The following COL11A1 variants were observed in gnomAD, a reference collection of about 807,000 sequenced individuals.
COL11A1 encodes the protein collagen alpha-1(XI) chain.
COL11A1 carries 74 observed loss-of-function variants against 265.2 expected under a neutral mutation model. The observed-to-expected ratio is 0.28, with a 90% CI of 0.23 to 0.34. The LOEUF (loss-of-function observed/expected upper bound fraction) is 0.34, where lower values mean the gene tolerates loss of function less well. Ranked by LOEUF, COL11A1 falls within the 10% of genes least tolerant of loss-of-function variation. COL11A1 has a pLI of 1.00. For synonymous variants in COL11A1, 816 were observed against 727.6 expected, an observed-to-expected ratio of 1.12 and a Z score of -1.96; for missense variants, 2,165 against 2,263.6, an observed-to-expected ratio of 0.96 and a Z score of 0.88.
At chr1:102,878,503 T>TATATATATATATATATATATATATATATA (rs1553191037) in intron 66 of COL11A1, among the ~76,000 whole-genome samples, 1 of 127,474 alleles carries the variant, frequency 7.8e-6, no homozygotes, top group Non-Finnish European at 1.7e-5. Flanking sequence ...TATATATATA[T>TATATATATATATATATATATATATATATA]TCTTTTTCTT....
intron 48 of COL11A1, 112 bp downstream of exon 48, chr1:102,921,401 AACCAC>A: frequency 2.5e-6 from 2 of 810,534 alleles, no homozygotes. Context: ...TTGAGTTCTT[AACCAC>A]TTAATATTAA....
chr1:102,979,194 T>C (rs1475195948), intron 32 of COL11A1, 90 bp from the exon 33 acceptor site: 1 of 1,234,492 alleles, frequency 8.1e-7, no homozygotes, highest in Non-Finnish European at 1.2e-6. Context: ...AAGAACATCA[T>C]TCATTCATTC....
rs1449031108 is a variant in COL11A1, at chr1:102,896,307, C to T, written c.4302+1818G>A. Among the ~76,000 whole-genome samples the T allele has an allele frequency of 2.0e-5, 3 of 151,492 alleles. No homozygotes were observed. The South Asian group carries it at 6.3e-4, about 32-fold the overall frequency. On this transcript the variant is annotated intron_variant, in intron 57 of 66. Transcript: ENST00000370096. ...AGGAGTTTGGCTCTAGAGTCGATAA[C>T]CTTAACTAGTAACCATAATAAGTTA... is the stretch of plus-strand genomic sequence containing the variant.
intron 28 of COL11A1, among the ~76,000 whole-genome samples, chr1:102,991,768 G>C (rs987209043): frequency 1.3e-5 from 2 of 151,554 alleles, no homozygotes; most frequent in African/African-American, 4.8e-5. Flanking sequence ...GTGAATATGA[G>C]ACCTAACCCT....
intron 1 of COL11A1, among the ~76,000 whole-genome samples, chr1:103,097,322 A>T (rs1673858732): frequency 6.6e-6 from 1 of 151,766 alleles, no homozygotes; most frequent in Non-Finnish European, 1.5e-5. Context: ...TCTTCTCCAG[A>T]CATACTGCCA....
intron 54 of COL11A1, among the ~76,000 whole-genome samples, chr1:102,906,851 C>T (rs1416176107): frequency 6.6e-6 from 1 of 151,824 alleles, no homozygotes; most frequent in Admixed American, 6.6e-5. Flanking sequence ...TAAATCAGAA[C>T]AAATCATAGT....
chr1:103,044,343 A>G (rs1477239345), intron 4 of COL11A1, among the ~76,000 whole-genome samples: 2 of 152,100 alleles, frequency 1.3e-5, no homozygotes, highest in Admixed American at 6.6e-5. Context: ...AATCACAGAC[A>G]TAACTACTTC....
chr1:103,075,933 T>G (rs1211237484), intron 3 of COL11A1, among the ~76,000 whole-genome samples: 2 of 152,136 alleles, frequency 1.3e-5, no homozygotes, highest in African/African-American at 2.4e-5. Flanking sequence ...CTACTTAATA[T>G]AGTGAGAGTA....
rs561246066 is a variant in COL11A1, at chr1:103,084,554, T to C, written c.107-1582A>G. The stretch of plus-strand genomic sequence containing the variant: ...GTCCTGATACAGGCTATAACACGGA[T>C]CAACCTTCAAAACAGTACACTACAT... On this transcript the variant is annotated intron_variant, in intron 1 of 66. Transcript: ENST00000370096. Among the ~76,000 whole-genome samples, 4 of 145,770 alleles carry C rather than the reference T, an allele frequency of 2.7e-5. No individual in the cohort carries two copies. In the East Asian group the frequency reaches 8.2e-4, roughly 30 times the overall value.
At chr1:103,028,330 A>C (rs11164657) in intron 5 of COL11A1, among the ~76,000 whole-genome samples, 90,587 of 152,020 alleles carry the variant, frequency 0.6, 29,384 homozygotes, top group East Asian at 0.91. Context: ...CACTGCGCCC[A>C]GCCGGCACAT....
At chr1:102,995,775 T>G in intron 28 of COL11A1, 89 bp downstream of exon 28, 2 of 1,087,494 alleles carry the variant, frequency 1.8e-6, no homozygotes, top group South Asian at 2.5e-5. Context: ...TAATCACTCA[T>G]ATATTCAAGA....
intron 5 of COL11A1, among the ~76,000 whole-genome samples, chr1:103,028,060 C>T (rs1308344168): frequency 1.3e-5 from 2 of 151,944 alleles, no homozygotes; most frequent in Admixed American, 6.6e-5. Context: ...GATGGAGTCG[C>T]GCTCTGTCGC....
At chr1:102,991,292 A>C (rs932785067) in intron 28 of COL11A1, among the ~76,000 whole-genome samples, 2 of 152,178 alleles carry the variant, frequency 1.3e-5, no homozygotes, top group African/African-American at 4.8e-5. Context: ...GTATGAAAAC[A>C]AAGCTAGGAA....
At chr1:103,036,520 T>G (rs547567485) in intron 4 of COL11A1, among the ~76,000 whole-genome samples, 9 of 151,372 alleles carry the variant, frequency 5.9e-5, no homozygotes, top group Non-Finnish European at 1.0e-4. Flanking sequence ...TCCTGCCAAC[T>G]TTTCCAATAT....
chr1:103,107,640 TCTC>T (rs1303480882), intron 1 of COL11A1, among the ~76,000 whole-genome samples: 2 of 152,066 alleles, frequency 1.3e-5, no homozygotes, highest in Non-Finnish European at 2.9e-5. Flanking sequence ...CTTTATATTT[TCTC>T]CTCAGCTCAC....
At chr1:102,994,764 C>T (rs1449603971) in intron 28 of COL11A1, among the ~76,000 whole-genome samples, 1 of 151,998 alleles carries the variant, frequency 6.6e-6, no homozygotes, top group Non-Finnish European at 1.5e-5. Flanking sequence ...AATACTGATT[C>T]TGAGTGTATT....
At chr1:102,987,784 T>C (rs767172589) in intron 29 of COL11A1, 44 bp from the exon 30 acceptor site, 3 of 1,452,426 alleles carry the variant, frequency 2.1e-6, no homozygotes, top group East Asian at 2.3e-5. Context: ...AAACGTCCTT[T>C]ACAAAAATTG....
intron 54 of COL11A1, among the ~76,000 whole-genome samples, chr1:102,902,073 T>G (rs191679768): frequency 3.9e-5 from 6 of 152,350 alleles, no homozygotes; most frequent in Admixed American, 3.9e-4. Flanking sequence ...ATCTGAATCT[T>G]ACAGTGTGAG....
chr1:102,889,383 CTGTGTG>C lies in COL11A1; in HGVS notation c.4464+66_4464+71del, dbSNP rs113226085. 278 of 800,036 alleles carry C rather than the reference CTGTGTG, an allele frequency of 3.5e-4. 2 individuals are homozygous for C. Among genetic ancestry groups the C allele is most frequent in the African/African-American group, 2.6e-3 (153 of 58,722 alleles). The allele number at this position is 800,036 out of a possible 1,614,324, so 49.6% of individuals were successfully genotyped here. A position where few individuals can be genotyped will look rare whatever the true frequency, so the allele number is the denominator to read the frequency against. ...TCTTTCTTTGATCATACTTAAAGGA[CTGTGTG>C]TGTGTGTGTGTGTGTGTGTGTATTA... On this transcript the variant is annotated intron_variant, in intron 59 of 66. Transcript: ENST00000370096.
Sources: gnomAD v4.1 joint callset for allele counts (sites outside exome capture counted in the v4.1 genomes callset) on GRCh38, gnomAD v4.1.1 for gene constraint, MANE v1.5 for transcripts, NCBI Gene and HGNC (gene_info 2026-07-23, HGNC 2026-07-21) for gene names.